The following NUP85 variants were observed in gnomAD, a reference collection of about 807,000 sequenced individuals.
The protein encoded by NUP85 is nucleoporin 85.
In NUP85, 23 loss-of-function variants were observed where a neutral mutation model predicts 92.8. The observed-to-expected ratio is 0.25, with a 90% CI of 0.18 to 0.35. The LOEUF (loss-of-function observed/expected upper bound fraction) is 0.35, where lower values mean the gene tolerates loss of function less well. NUP85 is among the 10% of genes least tolerant of loss of function. The probability of loss-of-function intolerance (pLI) is 1.00; values close to 1 mark genes in which losing one functional copy is unlikely to be tolerated. For synonymous variants in NUP85, 314 were observed against 306.9 expected, an observed-to-expected ratio of 1.02 and a Z score of -0.24; for missense variants, 759 against 822.8, an observed-to-expected ratio of 0.92 and a Z score of 0.95.
Position 75,232,987 on chromosome 17 carries a change from G to A in NUP85, c.1514+19G>A, listed in dbSNP as rs1211153194. 1 of 1,613,572 alleles carries A rather than the reference G, an allele frequency of 6.2e-7. No homozygotes were observed. The highest frequency in any genetic ancestry group is 8.5e-7 in the Non-Finnish European group (1 of 1,179,500). ...CAGACAGGTGGGTGCCGCTAGTGTT[G>A]GCTTCCCAGGGACTGGGTGGTTGAG... On this transcript the variant is annotated intron_variant, in intron 15 of 18. Coordinates refer to ENST00000245544, the MANE Select transcript of NUP85 (RefSeq NM_024844.5).
chr17:75,234,794 G>C lies in NUP85; in HGVS notation c.1767+6G>C. 6.2e-7 allele frequency: 1 copy of C among 1,614,134 alleles called. No homozygotes were observed. Among genetic ancestry groups the C allele is most frequent in the Non-Finnish European group, 8.5e-7 (1 of 1,180,036 alleles). ...CCCTTTTGGAACAGAAACAGGTGAA[G>C]GTTGCAGCAGCAGTGGTTTTCTTTG... On this transcript the variant is annotated splice_donor_region_variant and intron_variant, in intron 17 of 18. Transcript: ENST00000245544.
chr17:75,226,256 C>T (rs144201823), intron 11 of NUP85, 99 bp downstream of exon 11: 3 of 847,882 alleles, frequency 3.5e-6, no homozygotes, highest in Non-Finnish European at 5.9e-6. Flanking sequence ...ACCCTTCTTC[C>T]CTCAGACCTG....
At chr17:75,211,944 C>G in intron 3 of NUP85, 48 bp from the exon 4 acceptor site, 1 of 1,432,846 alleles carries the variant, frequency 7.0e-7, no homozygotes, top group Non-Finnish European at 9.8e-7. Flanking sequence ...CTTTGTGGCA[C>G]TACAAGATGT....
chr17:75,213,184 G>T (rs1360563494), intron 5 of NUP85, 65 bp downstream of exon 5: 13 of 1,510,574 alleles, frequency 8.6e-6, no homozygotes, highest in African/African-American at 2.7e-5. Flanking sequence ...CCCACCTGGG[G>T]TGGCTTTGCA....
At chr17:75,217,297 C>A (rs1251184117) in intron 6 of NUP85, among the ~76,000 whole-genome samples, 2 of 151,804 alleles carry the variant, frequency 1.3e-5, no homozygotes, top group African/African-American at 4.8e-5. Flanking sequence ...TGGGCTCAAG[C>A]AGTCTGCCCA....
chr17:75,207,908 T>A (rs957493387), intron 1 of NUP85, among the ~76,000 whole-genome samples: 2 of 151,994 alleles, frequency 1.3e-5, no homozygotes, highest in African/African-American at 4.8e-5. Context: ...GAGAATCACT[T>A]GAACCCAGCA....
At chr17:75,209,376 C>G (rs1598262800) in intron 2 of NUP85, among the ~76,000 whole-genome samples, 1 of 151,806 alleles carries the variant, frequency 6.6e-6, no homozygotes, top group South Asian at 2.1e-4. Flanking sequence ...TTTTTCTTTT[C>G]CTGATACAGT....
Position 75,205,788 on chromosome 17 carries a change from A to G in NUP85, c.27A>G (p.Thr9=), listed in dbSNP as rs777303003. The G allele has an allele frequency of 1.6e-4, 253 of 1,614,048 alleles. No homozygotes were observed. The highest frequency in any genetic ancestry group is 4.2e-6 in the Non-Finnish European group (5 of 1,180,018). ...TGGAGGAGCTCGATGGCGAGCCAAC[A>G]GTCACTGTAAGGGTACCCCGAACAG... The part of the protein sequence containing the change: MEELDGEP[T]VTLIPGVNSK... The change falls in exon 1 of 19, where the codon ACA becomes ACG. Residue 9 remains threonine, a synonymous_variant. Coordinates refer to ENST00000245544, the MANE Select transcript of NUP85 (RefSeq NM_024844.5).
At chr17:75,228,254 A>G in intron 11 of NUP85, 2 of 985,352 alleles carry the variant, frequency 2.0e-6, no homozygotes, top group Non-Finnish European at 1.2e-6. Flanking sequence ...GGCAGAAGAG[A>G]AAGAGAAGTA....
intron 11 of NUP85, chr17:75,228,615 GCA>G: frequency 1.0e-6 from 1 of 985,452 alleles, no homozygotes; most frequent in African/African-American, 1.7e-5. Flanking sequence ...TCAGACCCAT[GCA>G]CAGTTCTGGG....
chr17:75,227,593 G>A (rs941358889), intron 11 of NUP85, among the ~76,000 whole-genome samples: 2 of 151,638 alleles, frequency 1.3e-5, no homozygotes, highest in Non-Finnish European at 2.9e-5. Flanking sequence ...TGCCCATCTC[G>A]GCCTCCCAAA....
rs752254923 is a variant in NUP85, at chr17:75,233,115, C to T, written c.1572C>T (p.Asn524=). The change falls in exon 16 of 19, where the codon AAC becomes AAT. Residue 524 remains asparagine, a synonymous_variant. Coordinates refer to ENST00000245544, the MANE Select transcript of NUP85 (RefSeq NM_024844.5). ...TTTCTGATTTGGATCTCATTGACAA[C>T]CTGGGGCCAGCCATGATGCTCAGTG... ...GCFSDLDLID[N]LGPAMMLSDR... The T allele has an allele frequency of 1.4e-5, 22 of 1,614,038 alleles. No individual in the cohort carries two copies. Among genetic ancestry groups the T allele is most frequent in the Non-Finnish European group, 1.8e-5 (21 of 1,180,040 alleles).
chr17:75,232,951 C>T lies in NUP85; in HGVS notation c.1497C>T (p.Ala499=), dbSNP rs1156687698. The T allele has an allele frequency of 6.2e-7, 1 of 1,614,194 alleles. No individual in the cohort carries two copies. The highest frequency in any genetic ancestry group is 1.1e-5 in the South Asian group (1 of 91,084). Residue 499 remains alanine, a synonymous_variant, in exon 15 of 19, where the codon GCC becomes GCT. Transcript: ENST00000245544. The stretch of plus-strand genomic sequence containing the variant: ...TCCGTGCTAAGGATGCCGCCTTTGC[C>T]ACGCTCGTGTCAGACAGGTGGGTGC... ...WSIRAKDAAF[A]TLVSDRFLRD... is the part of the protein sequence containing the mutation.
Position 75,231,867 on chromosome 17 carries a change from C to G in NUP85, c.1284C>G (p.Pro428=). The stretch of plus-strand genomic sequence containing the variant: ...GGGTCGATTACTTTGATTACTGCCC[C>G]GAGCTGGGCCGAGTCTCCCTGGAGC... ...QLGVDYFDYC[P]ELGRVSLELH... The change falls in exon 14 of 19, where the codon CCC becomes CCG. Residue 428 remains proline (P), a synonymous_variant. Coordinates refer to ENST00000245544, the MANE Select transcript of NUP85 (RefSeq NM_024844.5). This position sits in a 1 kb window ranked among gnomAD's most constrained non-coding sequence, Gnocchi z 4.6. The G allele has an allele frequency of 1.1e-5, 18 of 1,614,172 alleles. No homozygotes were observed. The highest frequency in any genetic ancestry group is 1.4e-5 in the Non-Finnish European group (17 of 1,180,022).
At chr17:75,221,503 T>C (rs2075598377) in intron 7 of NUP85, among the ~76,000 whole-genome samples, 1 of 152,158 alleles carries the variant, frequency 6.6e-6, no homozygotes, top group African/African-American at 2.4e-5. Context: ...CCCAAAGTAT[T>C]GGGATTACAG....
At chr17:75,206,160 A>C (rs2075073801) in intron 1 of NUP85, among the ~76,000 whole-genome samples, 1 of 152,104 alleles carries the variant, frequency 6.6e-6, no homozygotes, top group South Asian at 2.1e-4. Flanking sequence ...ATCGCGGCAC[A>C]TTGAGCTTCT....
intron 3 of NUP85, among the ~76,000 whole-genome samples, chr17:75,211,789 G>A (rs1468734257): frequency 1.3e-5 from 2 of 152,114 alleles, no homozygotes; most frequent in African/African-American, 4.8e-5. Flanking sequence ...ATGGGTTTGT[G>A]GATATTAACT....
intron 3 of NUP85, 110 bp from the exon 4 acceptor site, chr17:75,211,882 G>A (rs1320582423): frequency 9.8e-6 from 8 of 817,214 alleles, no homozygotes; most frequent in South Asian, 9.3e-5. Context: ...CCTTCACAAC[G>A]GCTCTCCTCT....
intron 7 of NUP85, among the ~76,000 whole-genome samples, chr17:75,220,217 G>A (rs998862104): frequency 6.7e-6 from 1 of 149,732 alleles, no homozygotes; most frequent in Non-Finnish European, 1.5e-5. Context: ...CTCTGCCTCC[G>A]GGGTTCAAGT....
Sources: gnomAD v4.1 joint callset for allele counts (sites outside exome capture counted in the v4.1 genomes callset) on GRCh38, gnomAD v4.1.1 for gene constraint, Gnocchi (gnomAD v3.1) non-coding constraint, MANE v1.5 for transcripts, NCBI Gene and HGNC (gene_info 2026-07-23, HGNC 2026-07-21) for gene names.